HECTD4: variants seen among roughly 807,000 people sequenced by gnomAD.
The protein encoded by HECTD4 is probable E3 ubiquitin-protein ligase HECTD4.
HECTD4 carries 114 observed loss-of-function variants against 471.5 expected under a neutral mutation model. The ratio of observed to expected loss-of-function variants is 0.24; its 90% confidence interval spans 0.21 to 0.28. The LOEUF is 0.28. Among genes scored for constraint, HECTD4 ranks in the 10% least tolerant of loss-of-function variants. The pLI is 1.00. For missense variants in HECTD4, 3,866 were observed against 5,651.5 expected, an observed-to-expected ratio of 0.68 and a Z score of 10.13; for synonymous variants, 2,012 against 2,256.0, an observed-to-expected ratio of 0.89 and a Z score of 3.07.
rs1440531517 is a variant in HECTD4, at chr12:112,261,336, T to C, written c.2842A>G (p.Ile948Val). The C allele has an allele frequency of 1.2e-6, 2 of 1,608,926 alleles. No individual in the cohort carries two copies. Among genetic ancestry groups the C allele is most frequent in the Admixed American group, 1.7e-5 (1 of 59,938 alleles). The part of the protein sequence containing the change: ...EMLQQVTTAL[I>V]NSDIADREQR... ...TCACGGTCTGCTATGTCACTATTTA[T>C]GAGGGCAGTTGTGACCTGCTGTAGC... Residue 948 changes from isoleucine (I) to valine (V), a missense_variant, in exon 18 of 76, where the codon ATA (isoleucine) becomes GTA (valine). Around this residue, in one of 16 missense-constraint regions of HECTD4, gnomAD observed 525 missense variants for 672.6 expected, o/e 0.78. Transcript: ENST00000682272.
chr12:112,365,489 A>AC (rs1361493227), intron 1 of HECTD4, among the ~76,000 whole-genome samples: 1 of 152,202 alleles, frequency 6.6e-6, no homozygotes, highest in Non-Finnish European at 1.5e-5. Context: ...GATGTGTATT[A>AC]TACTTTCAGC....
At chr12:112,314,847 T>C (rs541790528) in intron 2 of HECTD4, among the ~76,000 whole-genome samples, 1 of 152,198 alleles carries the variant, frequency 6.6e-6, no homozygotes, top group Non-Finnish European at 1.5e-5. Context: ...CACAAAGAAC[T>C]TGTGGCTATT....
Position 112,184,565 on chromosome 12 carries a change from G to C in HECTD4, c.10401C>G (p.Asp3467Glu). 1 of 1,613,572 alleles carries C rather than the reference G, an allele frequency of 6.2e-7. No individual in the cohort carries two copies. Among genetic ancestry groups the C allele is most frequent in the Non-Finnish European group, 8.5e-7 (1 of 1,179,874 alleles). Residue 3467 changes from aspartate (D) to glutamate (E), a missense_variant, in exon 61 of 76, where the codon GAC (aspartate) becomes GAG (glutamate). By Grantham distance (45) the Asp-to-Glu change is conservative (BLOSUM62 2). Around this residue, in one of 16 missense-constraint regions of HECTD4, gnomAD observed 192 missense variants for 189.9 expected, o/e 1.01. Transcript: ENST00000682272. The surrounding 1 kb of genome is among the most constrained non-coding windows in gnomAD (Gnocchi z 9.1). ...TGCTGGACGTGCTGACCTCCATGCT[G>C]TCTGTGCCGGGGAAGGCCAGTGTCT... ...PEKTLAFPGTDSMEVSTSSSL... is the reference protein window; with the variant it reads ...PEKTLAFPGTESMEVSTSSSL...
rs2035319318 is a variant in HECTD4 at position 112,308,778 on chromosome 12, T to C, written c.1139A>G (p.Gln380Arg). 1 of 1,535,850 alleles carries C rather than the reference T, an allele frequency of 6.5e-7. No homozygotes were observed. Among genetic ancestry groups the C allele is most frequent in the South Asian group, 1.2e-5 (1 of 84,008 alleles). ...SFDNKPHSLFQVIDQNTLQVC... is the reference protein window; with the variant it reads ...SFDNKPHSLFRVIDQNTLQVC... ...CTGAAGGGTGTTCTGGTCAATGACCTGGAAAAGGGAGTGAGGTTTATTATC... is the reference window on the plus strand; with the variant it reads ...CTGAAGGGTGTTCTGGTCAATGACCCGGAAAAGGGAGTGAGGTTTATTATC... Residue 380 changes from glutamine (Q) to arginine (R), a missense_variant, in exon 6 of 76, where the codon CAG becomes CGG. Gln to Arg is a conservative substitution (Grantham distance 43). Coordinates refer to ENST00000682272, the MANE Select transcript of HECTD4 (RefSeq NM_001388303.1).
At position 112,213,542 on chromosome 12, in the gene HECTD4, C is replaced by T. The variant is rs936410094; in HGVS notation, c.7466-892G>A. Among the ~76,000 whole-genome samples the T allele has an allele frequency of 3.3e-5, 5 of 151,322 alleles. No individual in the cohort carries two copies. The highest frequency in any genetic ancestry group is 7.4e-5 in the Non-Finnish European group (5 of 67,890). On this transcript the variant is annotated intron_variant, in intron 48 of 75. Coordinates refer to ENST00000682272, the MANE Select transcript of HECTD4 (RefSeq NM_001388303.1). This position sits in a 1 kb window ranked among gnomAD's most constrained non-coding sequence, Gnocchi z 4.0. ...TCTACTAAAAATACAAAAATTTCGC[C>T]GGGCTAGGTGGCAGGCACCTGTAGT...
At position 112,194,825 on chromosome 12, in the gene HECTD4, T is replaced by G; in HGVS notation, c.8749+60A>C. On this transcript the variant is annotated intron_variant, in intron 56 of 75. Coordinates refer to ENST00000682272, the MANE Select transcript of HECTD4 (RefSeq NM_001388303.1). The surrounding 1 kb of genome is among the most constrained non-coding windows in gnomAD (Gnocchi z 4.6). ...GCCCTCATGCAGGGAATGACTACAC[T>G]GTGCACAGCGCCCGCCTGGTGCTAA... 1.4e-6 allele frequency: 2 copies of G among 1,471,730 alleles called. No individual in the cohort carries two copies. Among genetic ancestry groups the G allele is most frequent in the Non-Finnish European group, 1.9e-6 (2 of 1,074,552 alleles). 91.2% of individuals were successfully genotyped at this position (1,471,730 alleles called of 1,614,324 possible). A position where few individuals can be genotyped will look rare whatever the true frequency, so the allele number is the denominator to read the frequency against.
At chr12:112,233,170 G>C in intron 37 of HECTD4, 85 bp from the exon 38 acceptor site, 1 of 943,420 alleles carries the variant, frequency 1.1e-6, no homozygotes, top group South Asian at 1.4e-5. Context: ...CCCAGTCATG[G>C]TGAGGCCCTA....
At chr12:112,365,065 T>C (rs564052684) in intron 1 of HECTD4, among the ~76,000 whole-genome samples, 2 of 152,350 alleles carry the variant, frequency 1.3e-5, no homozygotes, top group African/African-American at 4.8e-5. Context: ...AAAGCCAGTT[T>C]ACTGACCTCT....
In HECTD4 at chr12:112,192,850, G is replaced by A. The variant is rs556453449; in HGVS notation, c.9087-85C>T. 7.0e-6 allele frequency: 9 copies of A among 1,278,032 alleles called. No homozygotes were observed. In the African/African-American group the frequency reaches 7.4e-5, roughly 11 times the overall value. 79.2% of individuals were successfully genotyped at this position (1,278,032 alleles called of 1,614,324 possible). On this transcript the variant is annotated intron_variant, in intron 58 of 75. Transcript: ENST00000682272. ...CAGCTTTGCCTTCTCACCAGGGGAC[G>A]TTAGATGAGAACTGGGCCCAAGTCA...
chr12:112,318,859 GT>G lies in HECTD4; in HGVS notation c.695+365del, dbSNP rs2035536080. Among the ~76,000 whole-genome samples, 4 of 152,194 alleles carry G rather than the reference GT, an allele frequency of 2.6e-5. No homozygotes were observed. In the South Asian group the frequency reaches 8.3e-4, roughly 32 times the overall value. On this transcript the variant is annotated intron_variant, in intron 2 of 75. Transcript: ENST00000682272. ...TATGAAAAATTAATAGCTCTATAAA[GT>G]TTTGACCATCCTCCTAGGAGAAGTA...
At chr12:112,332,133 A>G (rs1297444942) in intron 1 of HECTD4, among the ~76,000 whole-genome samples, 1 of 152,082 alleles carries the variant, frequency 6.6e-6, no homozygotes, top group Non-Finnish European at 1.5e-5. Flanking sequence ...TTATACCACA[A>G]GCAGAAATAG....
Position 112,162,356 on chromosome 12 carries a change from A to G in HECTD4, c.*31T>C. 1 of 1,613,448 alleles carries G rather than the reference A, an allele frequency of 6.2e-7. No homozygotes were observed. Among genetic ancestry groups the G allele is most frequent in the South Asian group, 1.1e-5 (1 of 91,064 alleles). On this transcript the variant is annotated 3_prime_UTR_variant, in exon 76 of 76. Coordinates refer to ENST00000682272, the MANE Select transcript of HECTD4 (RefSeq NM_001388303.1). The surrounding 1 kb of genome is among the most constrained non-coding windows in gnomAD (Gnocchi z 5.2). ...CCCAAGCCAGCAGAGTGGGTGCCTC[A>G]GTGACAGCCTAATTCTGGGGCTCCC...
At chr12:112,264,548 TG>T (rs905864647) in intron 16 of HECTD4, among the ~76,000 whole-genome samples, 39 of 152,304 alleles carry the variant, frequency 2.6e-4, no homozygotes, top group African/African-American at 9.4e-4. Flanking sequence ...TGATTCCTAT[TG>T]GTCTCTATAA....
At chr12:112,227,645 A>T (rs956612696) in intron 43 of HECTD4, among the ~76,000 whole-genome samples, 1 of 151,864 alleles carries the variant, frequency 6.6e-6, no homozygotes, top group Non-Finnish European at 1.5e-5. Context: ...TATTTATTTA[A>T]TTATTTATTT....
At chr12:112,227,686 T>G (rs2033277481) in intron 43 of HECTD4, among the ~76,000 whole-genome samples, 3 of 152,036 alleles carry the variant, frequency 2.0e-5, no homozygotes, top group Middle Eastern at 6.8e-3. Flanking sequence ...TTGCCCAGGC[T>G]GGAGTGTAGT....
In HECTD4 at chr12:112,283,091, G is replaced by C; in HGVS notation, c.1528+19C>G. ...GAGCTATACAAGGAAACAGATCTGG[G>C]AAGCACAGAGTAACATACCTGCTTG... On this transcript the variant is annotated intron_variant, in intron 8 of 75. Coordinates refer to ENST00000682272, the MANE Select transcript of HECTD4 (RefSeq NM_001388303.1). 6.2e-7 allele frequency: 1 copy of C among 1,601,922 alleles called. No individual in the cohort carries two copies. Among genetic ancestry groups the C allele is most frequent in the Non-Finnish European group, 8.5e-7 (1 of 1,171,700 alleles).
At chr12:112,320,749 A>G (rs1409534177) in intron 1 of HECTD4, among the ~76,000 whole-genome samples, 1 of 152,202 alleles carries the variant, frequency 6.6e-6, no homozygotes, top group African/African-American at 2.4e-5. Flanking sequence ...ATAGAGTACT[A>G]GTAAAAATGG....
At chr12:112,353,978 T>C (rs2036289467) in intron 1 of HECTD4, among the ~76,000 whole-genome samples, 1 of 152,158 alleles carries the variant, frequency 6.6e-6, no homozygotes, top group Non-Finnish European at 1.5e-5. Flanking sequence ...GAGGCAGATG[T>C]AGGACAGTCA....
chr12:112,193,037 T>A lies in HECTD4; in HGVS notation c.9086+24A>T. ...TTTAGCTTTCCTCTCCCCATCACCA[T>A]CTTCTTGAGAACAGGCAACTTACTC... is the stretch of plus-strand genomic sequence containing the variant. On this transcript the variant is annotated intron_variant, in intron 58 of 75. Coordinates refer to ENST00000682272, the MANE Select transcript of HECTD4 (RefSeq NM_001388303.1). The surrounding 1 kb of genome is among the most constrained non-coding windows in gnomAD (Gnocchi z 5.2). 6.2e-7 allele frequency: 1 copy of A among 1,613,464 alleles called. No homozygotes were observed. Among genetic ancestry groups the A allele is most frequent in the South Asian group, 1.1e-5 (1 of 90,966 alleles).
Sources: allele counts gnomAD v4.1 joint callset (sites outside exome capture counted in the v4.1 genomes callset), GRCh38; gene constraint gnomAD v4.1.1; regional missense constraint gnomAD v4.1.1; non-coding constraint Gnocchi (gnomAD v3.1); transcripts MANE v1.5; gene names NCBI Gene and HGNC (gene_info 2026-07-23, HGNC 2026-07-21).